DNAJC24: variants seen among roughly 807,000 people sequenced by gnomAD.
DNAJC24 encodes DnaJ heat shock protein family (Hsp40) member C24.
In DNAJC24, 17 loss-of-function variants were observed where a neutral mutation model predicts 18.0. The observed-to-expected ratio is 0.94, with a 90% confidence interval of 0.65 to 1.42. The LOEUF (loss-of-function observed/expected upper bound fraction) is 1.42. Among genes scored for constraint, DNAJC24 ranks in the 40% most tolerant of loss-of-function variants. The probability of loss-of-function intolerance (pLI) is 0.00; values close to 1 mark genes in which losing one functional copy is unlikely to be tolerated. For synonymous variants in DNAJC24, 55 were observed against 57.7 expected (o/e 0.95, Z 0.21); for missense variants, 158 against 175.6 (o/e 0.90, Z 0.57).
intron 2 of DNAJC24, among the ~76,000 whole-genome samples, chr11:31,403,668 G>C (rs941036403): frequency 1.3e-5 from 2 of 152,172 alleles, no homozygotes; most frequent in African/African-American, 4.8e-5. Context: ...TCAGTCTCCA[G>C]TTTCTTCTTA....
intron 2 of DNAJC24, among the ~76,000 whole-genome samples, chr11:31,413,177 C>T (rs187314506): frequency 6.6e-6 from 1 of 151,540 alleles, no homozygotes; most frequent in South Asian, 2.1e-4. Context: ...ATGAAATGTG[C>T]ACATGGTTAC....
chr11:31,417,163 G>A (rs943316816), intron 3 of DNAJC24: 1 of 148,044 alleles, frequency 6.8e-6, no homozygotes, highest in Non-Finnish European at 1.5e-5. Context: ...TAAGTACTAA[G>A]TATTGCCTCT....
In DNAJC24 at chr11:31,432,178, T is replaced by C. The variant is rs1161157644; in HGVS notation, c.*1777T>C. On this transcript the variant is annotated 3_prime_UTR_variant, in exon 5 of 5. Coordinates refer to ENST00000465995, the MANE Select transcript of DNAJC24 (RefSeq NM_181706.5). ...ACTTGTAAATGTAGCTGCTAAAGTA[T>C]GAGGTATATTTAAGAAGAATAGATT... 6.6e-6 allele frequency among the ~76,000 whole-genome samples: 1 copy of C among 152,198 alleles called. No individual in the cohort carries two copies. The highest frequency in any genetic ancestry group is 1.9e-4 in the East Asian group (1 of 5,200).
rs1436894992 is a variant in DNAJC24 at position 31,374,187 on chromosome 11, A to G, written c.111+3328A>G. The G allele has an allele frequency of 8.2e-6, 3 of 364,334 alleles. 1 individual carries two copies. The Admixed American group carries it at 8.5e-5, about 10-fold the overall frequency. 22.6% of individuals were successfully genotyped at this position (364,334 alleles called of 1,614,324 possible). On this transcript the variant is annotated intron_variant, in intron 2 of 4. Coordinates refer to ENST00000465995, the MANE Select transcript of DNAJC24 (RefSeq NM_181706.5). ...GCCTTGTTCCTGATTTTAAGAGGAA[A>G]ACCTTCAATGTTTTACCAGTAAGTA...
At chr11:31,394,744 G>T (rs1382852596) in intron 2 of DNAJC24, among the ~76,000 whole-genome samples, 6 of 150,596 alleles carry the variant, frequency 4.0e-5, no homozygotes, top group African/African-American at 1.5e-4. Context: ...TAAATAAGGA[G>T]AAAAAAATAA....
chr11:31,422,672 T>G (rs190088775), intron 3 of DNAJC24, among the ~76,000 whole-genome samples: 10 of 152,332 alleles, frequency 6.6e-5, no homozygotes, highest in Non-Finnish European at 1.3e-4. Context: ...ATGCCATGCC[T>G]GATTAGTAGA....
intron 2 of DNAJC24, among the ~76,000 whole-genome samples, chr11:31,407,102 C>T (rs1246776393): frequency 6.6e-6 from 1 of 152,090 alleles, no homozygotes; most frequent in Admixed American, 6.5e-5. Flanking sequence ...GAGCTAGCAT[C>T]CTATTGATGG....
rs199560597 is a variant in DNAJC24 at position 31,398,267 on chromosome 11, CTTCAT to C, written c.112-16541_112-16537del. Among the ~76,000 whole-genome samples, 1,212 of 151,110 alleles carry C rather than the reference CTTCAT, an allele frequency of 8.0e-3. 11 individuals are homozygous for C. The highest frequency in any genetic ancestry group is 0.02 in the South Asian group (98 of 4,788). On this transcript the variant is annotated intron_variant, in intron 2 of 4. Coordinates refer to ENST00000465995, the MANE Select transcript of DNAJC24 (RefSeq NM_181706.5). ...AAGGTCACCTATCTTGTTTATTGAG[CTTCAT>C]TTAGTTGACTTTCTCTCATCATTAG... is the stretch of plus-strand genomic sequence containing the variant.
At chr11:31,430,229 T>A (rs1952906055) in intron 4 of DNAJC24, 42 bp from the exon 5 acceptor site, 1 of 1,561,610 alleles carries the variant, frequency 6.4e-7, no homozygotes, top group Admixed American at 1.7e-5. Context: ...GTGAGGTAGT[T>A]ACTTACAAGT....
chr11:31,376,226 CGT>C (rs1423911235), intron 2 of DNAJC24, among the ~76,000 whole-genome samples: 2 of 152,158 alleles, frequency 1.3e-5, no homozygotes, highest in Non-Finnish European at 2.9e-5. Context: ...CCTCCCCAGC[CGT>C]GTGGAACTTT....
At chr11:31,372,646 T>G (rs924716396) in intron 2 of DNAJC24, among the ~76,000 whole-genome samples, 1 of 135,964 alleles carries the variant, frequency 7.4e-6, no homozygotes, top group African/African-American at 2.5e-5. Flanking sequence ...ATATGTAGTA[T>G]CTGTCAAACA....
At chr11:31,398,645 G>A (rs901701017) in intron 2 of DNAJC24, among the ~76,000 whole-genome samples, 1 of 152,134 alleles carries the variant, frequency 6.6e-6, no homozygotes, top group Non-Finnish European at 1.5e-5. Context: ...CATCTCAGGG[G>A]TAAAGCACCC....
chr11:31,428,168 A>T (rs1952883403), intron 4 of DNAJC24, among the ~76,000 whole-genome samples: 1 of 152,082 alleles, frequency 6.6e-6, no homozygotes, highest in Non-Finnish European at 1.5e-5. Flanking sequence ...ACAAAAAATC[A>T]TCAAGCGTTA....
chr11:31,414,318 G>A (rs1952735009), intron 2 of DNAJC24, among the ~76,000 whole-genome samples: 2 of 152,142 alleles, frequency 1.3e-5, no homozygotes, highest in Non-Finnish European at 2.9e-5. Flanking sequence ...GATGAAAGTT[G>A]TCATGTTTAT....
At chr11:31,390,548 A>G (rs1427719112) in intron 2 of DNAJC24, among the ~76,000 whole-genome samples, 1 of 151,748 alleles carries the variant, frequency 6.6e-6, no homozygotes, top group Non-Finnish European at 1.5e-5. Flanking sequence ...TCTACTAAAA[A>G]TACAAAAATT....
chr11:31,399,109 A>T (rs564942151), intron 2 of DNAJC24, among the ~76,000 whole-genome samples: 2 of 152,298 alleles, frequency 1.3e-5, no homozygotes, highest in African/African-American at 4.8e-5. Context: ...TATATTGGAT[A>T]TTATGTAACC....
chr11:31,370,463 C>CT (rs923600118), intron 1 of DNAJC24, among the ~76,000 whole-genome samples: 7 of 151,684 alleles, frequency 4.6e-5, no homozygotes, highest in African/African-American at 1.5e-4. Flanking sequence ...TTATAAAATT[C>CT]TTTTTTTTAA....
intron 3 of DNAJC24, chr11:31,415,586 T>TA (rs1160544451): frequency 1.3e-5 from 2 of 152,246 alleles, no homozygotes; most frequent in African/African-American, 4.8e-5. Context: ...GGACTGCAGT[T>TA]ACACGAAGTG....
intron 2 of DNAJC24, among the ~76,000 whole-genome samples, chr11:31,410,006 C>T (rs1952692300): frequency 6.6e-6 from 1 of 151,686 alleles, no homozygotes; most frequent in Non-Finnish European, 1.5e-5. Flanking sequence ...TGCCTCGCCT[C>T]CTGGGTAGCT....
Sources: gnomAD v4.1 joint callset for allele counts (sites outside exome capture counted in the v4.1 genomes callset) on GRCh38, gnomAD v4.1.1 for gene constraint, MANE v1.5 for transcripts, NCBI Gene and HGNC (gene_info 2026-07-23, HGNC 2026-07-21) for gene names.